Variants in ZNF584 observed in about 807,000 individuals in gnomAD.
ZNF584 encodes zinc finger protein 584.
A neutral mutation model predicts 14.7 loss-of-function variants in ZNF584; 12 were observed. The ratio of observed to expected loss-of-function variants is 0.82; its 90% CI spans 0.52 to 1.32. The LOEUF is 1.32. Ranked by LOEUF, ZNF584 falls within the 40% of genes most tolerant of loss-of-function variation. The pLI is 0.00. For synonymous variants in ZNF584, 204 were observed against 190.9 expected (o/e 1.07, Z -0.57); for missense variants, 478 against 518.8 (o/e 0.92, Z 0.76).
rs1173947833 is a variant in ZNF584, at chr19:58,418,252, A to T, written c.*468A>T. ...GTTGACATTACACATGGTATTTGTCATGCCCTAGCATGGACTGTCTCATAC... is the reference window on the plus strand; with the variant it reads ...GTTGACATTACACATGGTATTTGTCTTGCCCTAGCATGGACTGTCTCATAC... On this transcript the variant is annotated 3_prime_UTR_variant, in exon 4 of 4. Transcript: ENST00000306910. 3 of 190,784 alleles carry T rather than the reference A, an allele frequency of 1.6e-5. No homozygotes were observed. The highest frequency in any genetic ancestry group is 7.0e-5 in the African/African-American group (3 of 42,750). 11.8% of individuals were successfully genotyped at this position (190,784 alleles called of 1,614,324 possible).
chr19:58,415,848 C>T (rs12986387), intron 3 of ZNF584: 325,318 of 1,600,208 alleles, frequency 0.2, 34,600 homozygotes, highest in Non-Finnish European at 0.22. Flanking sequence ...CTCTGGCCTG[C>T]GTCTCCTCAT....
At chr19:58,410,539 A>AATTTTTTTTT in intron 2 of ZNF584, among the ~76,000 whole-genome samples, 5 of 38,696 alleles carry the variant, frequency 1.3e-4, no homozygotes, top group Admixed American at 3.6e-4. Context: ...ATATATATAT[A>AATTTTTTTTT]TATATATATA....
rs375317387 is a variant in ZNF584, at chr19:58,415,692, C to T, written c.292+46C>T. 16 of 1,607,654 alleles carry T rather than the reference C, an allele frequency of 1.0e-5. No individual in the cohort carries two copies. The African/African-American group carries it at 1.7e-4, about 17-fold the overall frequency. ...TACCTTGGTTTCAGCAGTGGGCTCA[C>T]AGAATGCTGAGTACCTGCATACACC... On this transcript the variant is annotated intron_variant, in intron 3 of 3. Coordinates refer to ENST00000306910, the MANE Select transcript of ZNF584 (RefSeq NM_173548.3).
Position 58,410,539 on chromosome 19 carries a change from A to AATTTTTTTTTTTTTTTTTTT in ZNF584, c.169+448_169+449insATTTTTTTTTTTTTTTTTTT. Among the ~76,000 whole-genome samples the AATTTTTTTTTTTTTTTTTTT allele has an allele frequency of 8.5e-4, 33 of 38,680 alleles. 1 individual carries two copies. Among genetic ancestry groups the AATTTTTTTTTTTTTTTTTTT allele is most frequent in the South Asian group, 1.4e-3 (2 of 1,392 alleles). 25.4% of individuals were successfully genotyped at this position (38,680 alleles called of 152,430 possible). ...GGGAAATATATATATATATATATAT[A>AATTTTTTTTTTTTTTTTTTT]TATATATATATATATATATGTGTAT... On this transcript the variant is annotated intron_variant, in intron 2 of 3. Transcript: ENST00000306910.
rs775174591 is a variant in ZNF584, at chr19:58,409,959, T to C, written c.37T>C (p.Leu13=). ...GEAEAQLDPS[L]QGLVMFEDVT... is the part of the protein sequence containing the mutation. Reference sequence around the variant, plus strand: ...CCCCAAGGCTCAGTTGGACCCATCATTGCAGGGCTTGGTGATGTTTGAGGA... The same window carrying C: ...CCCCAAGGCTCAGTTGGACCCATCACTGCAGGGCTTGGTGATGTTTGAGGA... Residue 13 remains leucine, a synonymous_variant, in exon 2 of 4, where the codon TTG becomes CTG. Coordinates refer to ENST00000306910, the MANE Select transcript of ZNF584 (RefSeq NM_173548.3). 1 of 1,614,148 alleles carries C rather than the reference T, an allele frequency of 6.2e-7. No individual in the cohort carries two copies. The highest frequency in any genetic ancestry group is 8.5e-7 in the Non-Finnish European group (1 of 1,180,006).
chr19:58,411,984 T>G (rs1361285152), intron 2 of ZNF584, among the ~76,000 whole-genome samples: 2 of 144,966 alleles, frequency 1.4e-5, no homozygotes, highest in Non-Finnish European at 3.0e-5. Context: ...CTTGTTTTTT[T>G]TTTTTTTTTT....
At position 58,417,564 on chromosome 19, in the gene ZNF584, C is replaced by T. The variant is rs911238890; in HGVS notation, c.1046C>T (p.Thr349Ile). Residue 349 changes from threonine (T) to isoleucine (I), a missense_variant, in exon 4 of 4, where the codon ACT becomes ATT. Around this residue, in one of 3 missense-constraint regions of ZNF584, gnomAD observed 283 missense variants for 317.3 expected, o/e 0.89. Coordinates refer to ENST00000306910, the MANE Select transcript of ZNF584 (RefSeq NM_173548.3). ...SGLYQHWKVHTGERPYECSLC... is the reference protein window; with the variant it reads ...SGLYQHWKVHIGERPYECSLC... ...CTCTATCAGCACTGGAAAGTCCACA[C>T]TGGGGAACGGCCCTATGAATGTAGC... The T allele has an allele frequency of 6.2e-7, 1 of 1,614,214 alleles. No homozygotes were observed. Among genetic ancestry groups the T allele is most frequent in the Non-Finnish European group, 8.5e-7 (1 of 1,180,048 alleles).
chr19:58,409,897 G>A, intron 1 of ZNF584, 44 bp from the exon 2 acceptor site: 3 of 1,613,414 alleles, frequency 1.9e-6, no homozygotes, highest in Non-Finnish European at 2.5e-6. Flanking sequence ...GTGTCCATCT[G>A]TCCATATTTT....
chr19:58,413,174 C>G (rs1468345358), intron 2 of ZNF584, among the ~76,000 whole-genome samples: 1 of 151,830 alleles, frequency 6.6e-6, no homozygotes, highest in Non-Finnish European at 1.5e-5. Flanking sequence ...CCTCCTTTTG[C>G]TATCTTTGGG....
chr19:58,405,572 GCTC>G (rs1287148799), upstream of ZNF584: 2 of 162,870 alleles, frequency 1.2e-5, no homozygotes, highest in African/African-American at 5.1e-5. Flanking sequence ...GGGCGGAGGG[GCTC>G]CTCACTTCTC....
In ZNF584 at chr19:58,409,192, G is replaced by C. The variant is rs751909646; in HGVS notation, c.18+27G>C. 25 of 1,412,706 alleles carry C rather than the reference G, an allele frequency of 1.8e-5. No homozygotes were observed. The African/African-American group carries it at 3.7e-4, about 21-fold the overall frequency. The allele number at this position is 1,412,706 out of a possible 1,614,324, so 87.5% of individuals were successfully genotyped here. Reference sequence around the variant, plus strand: ...TGAGCAGAGGATGCCTCCGAGGAATGAGGGGGCCCACCAGGTGGGGGGCGG... The same window carrying C: ...TGAGCAGAGGATGCCTCCGAGGAATCAGGGGGCCCACCAGGTGGGGGGCGG... On this transcript the variant is annotated intron_variant, in intron 1 of 3. Coordinates refer to ENST00000306910, the MANE Select transcript of ZNF584 (RefSeq NM_173548.3).
chr19:58,411,251 G>A (rs1159534922), intron 2 of ZNF584, among the ~76,000 whole-genome samples: 1 of 151,912 alleles, frequency 6.6e-6, no homozygotes, highest in Non-Finnish European at 1.5e-5. Context: ...TCATGGCCAG[G>A]TGCAGTGGCT....
At chr19:58,410,657 G>GTATATATATGTGTA (rs1168823270) in intron 2 of ZNF584, among the ~76,000 whole-genome samples, 5 of 16,238 alleles carry the variant, frequency 3.1e-4, no homozygotes, top group Middle Eastern at 0.017. Flanking sequence ...GTATATATGT[G>GTATATATATGTGTA]TATATATGTA....
intron 2 of ZNF584, among the ~76,000 whole-genome samples, chr19:58,410,683 A>ATG (rs1465782141): frequency 0.019 from 976 of 50,518 alleles, 172 homozygotes; most frequent in African/African-American, 0.057. Context: ...GTGTATATAT[A>ATG]TGTATATATG....
chr19:58,417,786 A>G lies in ZNF584; in HGVS notation c.*2A>G. The stretch of plus-strand genomic sequence containing the variant: ...CATGGGAAGGTCGTTAGCTGCTAGC[A>G]CCGTGTTCATCAGGAAAGGTCTTAT... On this transcript the variant is annotated 3_prime_UTR_variant, in exon 4 of 4. Coordinates refer to ENST00000306910, the MANE Select transcript of ZNF584 (RefSeq NM_173548.3). The G allele has an allele frequency of 6.3e-7, 1 of 1,594,678 alleles. No homozygotes were observed. Among genetic ancestry groups the G allele is most frequent in the Non-Finnish European group, 8.5e-7 (1 of 1,170,282 alleles).
At chr19:58,415,083 G>T (rs994976903) in intron 2 of ZNF584, among the ~76,000 whole-genome samples, 7 of 151,442 alleles carry the variant, frequency 4.6e-5, no homozygotes, top group Non-Finnish European at 7.4e-5. Context: ...TTAGTAGAAG[G>T]GGGGTTTCAC....
At chr19:58,416,047 T>C in intron 3 of ZNF584, 1 of 1,374,470 alleles carries the variant, frequency 7.3e-7, no homozygotes, top group Non-Finnish European at 9.8e-7. Flanking sequence ...TGCTTGGCTG[T>C]CACCAGCAGC....
upstream of ZNF584, chr19:58,405,881 G>C (rs1385879577): frequency 6.2e-6 from 1 of 160,456 alleles, no homozygotes; most frequent in African/African-American, 2.4e-5. Context: ...CAGGCAGAGG[G>C]GCTCCTCACA....
At chr19:58,416,759 G>T (rs1411569747) in intron 3 of ZNF584, 52 bp from the exon 4 acceptor site, 1 of 1,514,608 alleles carries the variant, frequency 6.6e-7, no homozygotes, top group Non-Finnish European at 8.8e-7. Context: ...GGTGATTAAG[G>T]TACCTCCTCC....
Sources: allele counts gnomAD v4.1 joint callset (sites outside exome capture counted in the v4.1 genomes callset), GRCh38; gene constraint gnomAD v4.1.1; regional missense constraint gnomAD v4.1.1; transcripts MANE v1.5; gene names NCBI Gene and HGNC (gene_info 2026-07-23, HGNC 2026-07-21).